COQ8B: variants seen among roughly 807,000 people sequenced by gnomAD.
COQ8B encodes atypical kinase COQ8B, mitochondrial.
A neutral mutation model predicts 62.0 loss-of-function variants in COQ8B; 44 were observed. The ratio of observed to expected loss-of-function variants is 0.71; its 90% CI spans 0.56 to 0.91. COQ8B has a LOEUF of 0.91. Ranked by LOEUF, COQ8B falls within the 40% of genes least tolerant of loss-of-function variation. The pLI is 0.00. For synonymous variants in COQ8B, 252 were observed against 289.9 expected (o/e 0.87, Z 1.33); for missense variants, 649 against 731.6 (o/e 0.89, Z 1.30).
At position 40,692,232 on chromosome 19, in the gene COQ8B, G is replaced by A; in HGVS notation, c.1438C>T (p.Pro480Ser). Residue 480 changes from proline (P) to serine (S), a missense_variant, in exon 15 of 15, where the codon CCC (proline) becomes TCC (serine). Physicochemically the swap from Pro to Ser is moderately conservative, Grantham distance 74 (BLOSUM62 -1). Coordinates refer to ENST00000324464, the MANE Select transcript of COQ8B (RefSeq NM_024876.4). ...IPVLLRHRLCPPPEETYALHR... is the reference protein window; with the variant it reads ...IPVLLRHRLCSPPEETYALHR... Reference sequence around the variant, plus strand: ...AGGGCATAGGTCTCCTCGGGTGGGGGACACAGCCGGTGCCGCAGCAGCACC... The same window carrying A: ...AGGGCATAGGTCTCCTCGGGTGGGGAACACAGCCGGTGCCGCAGCAGCACC... 1 of 1,609,096 alleles carries A rather than the reference G, an allele frequency of 6.2e-7. No homozygotes were observed. The highest frequency in any genetic ancestry group is 8.5e-7 in the Non-Finnish European group (1 of 1,177,734).
chr19:40,693,658 G>A (rs980528286), intron 13 of COQ8B, among the ~76,000 whole-genome samples: 2 of 152,162 alleles, frequency 1.3e-5, no homozygotes, highest in Non-Finnish European at 2.9e-5. Flanking sequence ...CCGGCCTGTT[G>A]GGCCTCCACT....
intron 13 of COQ8B, among the ~76,000 whole-genome samples, chr19:40,695,115 C>T (rs2082003674): frequency 6.6e-6 from 1 of 152,042 alleles, no homozygotes; most frequent in African/African-American, 2.4e-5. Flanking sequence ...GTCAGCAGTT[C>T]GAGACCAGCC....
At chr19:40,697,876 A>AGAGAGAGTGT (rs1316282364) in intron 12 of COQ8B, among the ~76,000 whole-genome samples, 9 of 71,206 alleles carry the variant, frequency 1.3e-4, no homozygotes, top group African/African-American at 4.0e-4. Context: ...AGAGAGAGAG[A>AGAGAGAGTGT]GTTTCTACTG....
In COQ8B at chr19:40,692,021, C is replaced by A; in HGVS notation, c.*14G>T. 1 of 1,582,038 alleles carries A rather than the reference C, an allele frequency of 6.3e-7. No individual in the cohort carries two copies. The highest frequency in any genetic ancestry group is 8.6e-7 in the Non-Finnish European group (1 of 1,163,760). ...TACGGCCTGCTCTGGGGACTGAATC[C>A]CCCATGGAGGCTGTCATGAGGGATC... On this transcript the variant is annotated 3_prime_UTR_variant, in exon 15 of 15. Coordinates refer to ENST00000324464, the MANE Select transcript of COQ8B (RefSeq NM_024876.4).
intron 5 of COQ8B, among the ~76,000 whole-genome samples, chr19:40,708,566 G>C (rs535185275): frequency 1.4e-3 from 207 of 152,160 alleles, no homozygotes; most frequent in African/African-American, 4.8e-3. Flanking sequence ...GTGGCAGAGT[G>C]GGGTGTAGAC....
chr19:40,699,777 C>T (rs1215203747), intron 12 of COQ8B, among the ~76,000 whole-genome samples: 2 of 152,212 alleles, frequency 1.3e-5, no homozygotes, highest in East Asian at 1.9e-4. Flanking sequence ...CCAGGATGAG[C>T]TTAGTGTATT....
chr19:40,713,916 T>C (rs982118083), intron 4 of COQ8B, 151 bp downstream of exon 4: 6 of 762,772 alleles, frequency 7.9e-6, no homozygotes, highest in Non-Finnish European at 1.3e-5. Flanking sequence ...TTCCTCTTGA[T>C]TTCTCTTGGC....
chr19:40,691,852 C>G lies in COQ8B; in HGVS notation c.*183G>C. 1 of 497,508 alleles carries G rather than the reference C, an allele frequency of 2.0e-6. No homozygotes were observed. Among genetic ancestry groups the G allele is most frequent in the Non-Finnish European group, 3.4e-6 (1 of 294,880 alleles). The allele number at this position is 497,508 out of a possible 1,614,324, so 30.8% of individuals were successfully genotyped here. On this transcript the variant is annotated 3_prime_UTR_variant, in exon 15 of 15. Coordinates refer to ENST00000324464, the MANE Select transcript of COQ8B (RefSeq NM_024876.4). ...ACTTTCGAGTGGGGAGGTGCAGGAT[C>G]TAGGGCACGAAGTTGGGAGTTCCCC...
At chr19:40,712,984 C>T (rs1350108439) in intron 4 of COQ8B, among the ~76,000 whole-genome samples, 1 of 152,220 alleles carries the variant, frequency 6.6e-6, no homozygotes, top group Non-Finnish European at 1.5e-5. Flanking sequence ...GAGGCCGAGG[C>T]AGGAGGATCG....
At chr19:40,695,026 C>T (rs886369956) in intron 13 of COQ8B, among the ~76,000 whole-genome samples, 9 of 152,160 alleles carry the variant, frequency 5.9e-5, no homozygotes, top group South Asian at 2.1e-4. Context: ...GGTCAGAAAA[C>T]ATTTAGATTG....
At chr19:40,703,948 T>C (rs2082081375) in intron 7 of COQ8B, 93 bp from the exon 8 acceptor site, 6 of 1,444,530 alleles carry the variant, frequency 4.2e-6, no homozygotes, top group Non-Finnish European at 4.6e-6. Context: ...ACTCACCACA[T>C]GCAGGGCCCT....
intron 12 of COQ8B, among the ~76,000 whole-genome samples, chr19:40,697,029 T>TA (rs2082019922): frequency 6.6e-6 from 1 of 152,216 alleles, no homozygotes. Context: ...ACAGTGCATT[T>TA]ATCTGGCTGA....
chr19:40,692,845 A>G, intron 14 of COQ8B, 106 bp downstream of exon 14: 1 of 914,824 alleles, frequency 1.1e-6, no homozygotes, highest in Admixed American at 2.4e-5. Context: ...GTCCCCGGGT[A>G]TCGACATGCC....
At chr19:40,704,922 C>T in intron 7 of COQ8B, 174 bp downstream of exon 7, 1 of 625,632 alleles carries the variant, frequency 1.6e-6, no homozygotes, top group East Asian at 2.9e-5. Flanking sequence ...CTGCTGTTCC[C>T]TGTTTTAATC....
At position 40,714,624 on chromosome 19, in the gene COQ8B, C is replaced by T. The variant is rs11673492; in HGVS notation, c.9G>A (p.Leu3=). ...TCCCCCGAAGTAGGCCCCCCACCTTCAGCCACATTGCCTGGAGGAGAAGAG... is the reference window on the plus strand; with the variant it reads ...TCCCCCGAAGTAGGCCCCCCACCTTTAGCCACATTGCCTGGAGGAGAAGAG... The part of the protein sequence containing the change: MW[L]KVGGLLRGTG... The change falls in exon 2 of 15, where the codon CTG becomes CTA. Residue 3 remains leucine (L), a synonymous_variant. Transcript: ENST00000324464. The T allele has an allele frequency of 0.17, 269,422 of 1,607,802 alleles. 24,342 individuals carry two copies. Among genetic ancestry groups the T allele is most frequent in the Middle Eastern group, 0.19 (1,152 of 6,024 alleles).
At chr19:40,705,274 G>T in intron 6 of COQ8B, 51 bp downstream of exon 6, 1 of 1,587,204 alleles carries the variant, frequency 6.3e-7, no homozygotes, top group African/African-American at 1.3e-5. Context: ...TGGTGGGTAG[G>T]GCTGGGGTAG....
At chr19:40,711,904 C>T (rs188513041) in intron 4 of COQ8B, among the ~76,000 whole-genome samples, 92 of 152,290 alleles carry the variant, frequency 6.0e-4, no homozygotes, top group Admixed American at 1.1e-3. Flanking sequence ...CCCAGAGTCA[C>T]GTCACAAAGC....
chr19:40,705,680 G>C (rs1489920481), intron 5 of COQ8B, among the ~76,000 whole-genome samples: 1 of 152,132 alleles, frequency 6.6e-6, no homozygotes, highest in Non-Finnish European at 1.5e-5. Flanking sequence ...TTGTTGGCTC[G>C]CGCCTATAAT....
At chr19:40,695,632 G>T (rs536048761) in intron 13 of COQ8B, among the ~76,000 whole-genome samples, 1 of 152,258 alleles carries the variant, frequency 6.6e-6, no homozygotes, top group African/African-American at 2.4e-5. Context: ...GCTGGGCAGT[G>T]GTTGGAAGCT....
Sources: allele counts gnomAD v4.1 joint callset (sites outside exome capture counted in the v4.1 genomes callset), GRCh38; gene constraint gnomAD v4.1.1; transcripts MANE v1.5; gene names NCBI Gene and HGNC (gene_info 2026-07-23, HGNC 2026-07-21).